Variants in TAOK1 observed in about 807,000 individuals in gnomAD.
TAOK1 encodes the protein serine/threonine-protein kinase TAO1.
TAOK1 carries 21 observed loss-of-function variants against 138.3 expected under a neutral mutation model. The ratio of observed to expected loss-of-function variants is 0.15; its 90% CI spans 0.11 to 0.22. The LOEUF is 0.22. TAOK1 is among the 10% of genes least tolerant of loss of function. TAOK1 has a pLI of 1.00. For synonymous variants in TAOK1, 361 were observed against 398.4 expected (o/e 0.91, Z 1.12); for missense variants, 651 against 1,227.7 (o/e 0.53, Z 7.02).
intron 1 of TAOK1, among the ~76,000 whole-genome samples, chr17:29,406,572 G>A (rs1346746390): frequency 6.6e-6 from 1 of 151,892 alleles, no homozygotes; most frequent in Non-Finnish European, 1.5e-5. Flanking sequence ...GTTTTGCCCA[G>A]ACTGAAGTGC....
chr17:29,409,728 A>ATT (rs1226927983), intron 1 of TAOK1, among the ~76,000 whole-genome samples: 1 of 152,130 alleles, frequency 6.6e-6, no homozygotes, highest in Admixed American at 6.6e-5. Flanking sequence ...TCTCACCTAT[A>ATT]TTCACACAAT....
At chr17:29,538,569 T>C (rs1409570490) in intron 19 of TAOK1, among the ~76,000 whole-genome samples, 2 of 152,212 alleles carry the variant, frequency 1.3e-5, no homozygotes, top group Non-Finnish European at 2.9e-5. Flanking sequence ...TTCTGCACTT[T>C]ATGCTTGCCG....
chr17:29,485,216 T>G (rs1301995001), intron 8 of TAOK1, among the ~76,000 whole-genome samples: 3 of 152,188 alleles, frequency 2.0e-5, no homozygotes, highest in Non-Finnish European at 4.4e-5. Flanking sequence ...CTTAGTTTGT[T>G]ATTCAAGCTG....
intron 1 of TAOK1, among the ~76,000 whole-genome samples, chr17:29,409,333 A>ATATATTTT (rs1348702470): frequency 4.4e-4 from 26 of 59,032 alleles, no homozygotes; most frequent in African/African-American, 1.7e-3. Flanking sequence ...ATATATATAT[A>ATATATTTT]TTTTTTTTTT....
Position 29,542,937 on chromosome 17 carries a change from C to T in TAOK1, c.2921C>T (p.Ser974Phe). 3 of 1,613,632 alleles carry T rather than the reference C, an allele frequency of 1.9e-6. No homozygotes were observed. The highest frequency in any genetic ancestry group is 2.5e-6 in the Non-Finnish European group (3 of 1,179,940). ...CCCCAGGCTCTGAGGCGGACAGCTTCTGGGGGACGGACGGAGCAGGGCATG... is the reference window on the plus strand; with the variant it reads ...CCCCAGGCTCTGAGGCGGACAGCTTTTGGGGGACGGACGGAGCAGGGCATG... ...NSPQALRRTA[S>F]GGRTEQGMSR... Residue 974 changes from serine to phenylalanine, a missense_variant, in exon 20 of 20, where the codon TCT (serine) becomes TTT (phenylalanine). By Grantham distance (155) the Ser-to-Phe change is radical. This residue lies in a region of TAOK1 where 108 missense variants were observed against 120.3 expected (regional missense o/e 0.90). Transcript: ENST00000261716.
At chr17:29,533,003 C>CCTCCCGG (rs750826716) in intron 18 of TAOK1, among the ~76,000 whole-genome samples, 62,972 of 64,018 alleles carry the variant, frequency 0.98, 30,990 homozygotes, top group East Asian at 0.99. Flanking sequence ...CCCCCACCTC[C>CCTCCCGG]AACCGGGCGG....
At chr17:29,447,654 A>AT (rs1298326922) in intron 1 of TAOK1, among the ~76,000 whole-genome samples, 28 of 147,394 alleles carry the variant, frequency 1.9e-4, no homozygotes, top group South Asian at 4.3e-4. Context: ...ATTTTATTTT[A>AT]TTTTATTTTT....
intron 19 of TAOK1, among the ~76,000 whole-genome samples, chr17:29,536,801 G>A (rs1220197880): frequency 6.7e-6 from 1 of 148,638 alleles, no homozygotes; most frequent in Non-Finnish European, 1.5e-5. Flanking sequence ...CCGGGTTTAC[G>A]CCATTCTCCT....
At chr17:29,391,563 A>G (rs1904428942) in intron 1 of TAOK1, among the ~76,000 whole-genome samples, 1 of 152,174 alleles carries the variant, frequency 6.6e-6, no homozygotes, top group African/African-American at 2.4e-5. Flanking sequence ...CAGTTTCTTC[A>G]TACACAGACC....
rs1453362105 is a variant in TAOK1 at position 29,537,486 on chromosome 17, A to T, written c.2544+3186A>T. On this transcript the variant is annotated intron_variant, in intron 19 of 19. Transcript: ENST00000261716. ...CTACCTCAGCCTCACAACTACAGGC[A>T]TGCACCACCATGACCACTGATTTTT... 3.4e-5 allele frequency among the ~76,000 whole-genome samples: 5 copies of T among 147,810 alleles called. No individual in the cohort carries two copies. The East Asian group carries it at 9.9e-4, about 29-fold the overall frequency.
At chr17:29,403,770 T>G (rs1904916932) in intron 1 of TAOK1, 1 of 152,116 alleles carries the variant, frequency 6.6e-6, no homozygotes, top group South Asian at 2.1e-4. Context: ...AGTGGCACAA[T>G]CACAGCTCAC....
At chr17:29,412,622 C>G (rs953590045) in intron 1 of TAOK1, among the ~76,000 whole-genome samples, 5 of 152,130 alleles carry the variant, frequency 3.3e-5, no homozygotes, top group African/African-American at 1.2e-4. Context: ...TATTTTGTGT[C>G]CCTCCCATTT....
intron 2 of TAOK1, among the ~76,000 whole-genome samples, chr17:29,464,861 C>T (rs2030621435): frequency 6.9e-6 from 1 of 144,578 alleles, no homozygotes; most frequent in Non-Finnish European, 1.5e-5. Context: ...GTCTCTGTTG[C>T]TCAGGCTGGA....
intron 17 of TAOK1, among the ~76,000 whole-genome samples, chr17:29,529,827 A>C (rs60559267): frequency 6.6e-6 from 1 of 151,138 alleles, no homozygotes; most frequent in African/African-American, 2.4e-5. Flanking sequence ...AGATTGCGCC[A>C]TTGGACTCCA....
At chr17:29,458,001 T>A (rs770333989) in intron 2 of TAOK1, among the ~76,000 whole-genome samples, 16 of 151,942 alleles carry the variant, frequency 1.1e-4, no homozygotes, top group Admixed American at 2.6e-4. Context: ...TCCCAGCTAC[T>A]TGGGAGGCTA....
At chr17:29,487,952 A>G (rs1437923275) in intron 8 of TAOK1, among the ~76,000 whole-genome samples, 1 of 152,298 alleles carries the variant, frequency 6.6e-6, no homozygotes, top group East Asian at 1.9e-4. Context: ...ACTTCTCAAA[A>G]TCATGTGCCG....
In TAOK1 at chr17:29,545,109, C is replaced by T. The variant is rs1334117023; in HGVS notation, c.*2087C>T. ...TTTAGGCAGTGTTTCAAGAAGCACT[C>T]TTATGTGTTGTTCTTTCAGCCCATG... On this transcript the variant is annotated 3_prime_UTR_variant, in exon 20 of 20. Transcript: ENST00000261716. 6.6e-6 allele frequency: 1 copy of T among 152,142 alleles called. No homozygotes were observed. The highest frequency in any genetic ancestry group is 2.4e-5 in the African/African-American group (1 of 41,428). 9.4% of individuals were successfully genotyped at this position (152,142 alleles called of 1,614,324 possible). A position where few individuals can be genotyped will look rare whatever the true frequency, so the allele number is the denominator to read the frequency against.
At chr17:29,526,366 A>G (rs2032009574) in intron 17 of TAOK1, among the ~76,000 whole-genome samples, 1 of 152,166 alleles carries the variant, frequency 6.6e-6, no homozygotes, top group African/African-American at 2.4e-5. Context: ...TCTAAATTTC[A>G]TTGTTTCATT....
chr17:29,502,471 C>T, intron 12 of TAOK1, 118 bp from the exon 13 acceptor site: 1 of 1,228,342 alleles, frequency 8.1e-7, no homozygotes, highest in Non-Finnish European at 1.1e-6. Context: ...TTTGGCTTTG[C>T]TTTTTAAAAT....
Sources: allele counts gnomAD v4.1 joint callset (sites outside exome capture counted in the v4.1 genomes callset), GRCh38; gene constraint gnomAD v4.1.1; regional missense constraint gnomAD v4.1.1; transcripts MANE v1.5; gene names NCBI Gene and HGNC (gene_info 2026-07-23, HGNC 2026-07-21).